Variants in MPP7 observed in about 807,000 individuals in gnomAD.
The protein encoded by MPP7 is MAGUK p55 scaffold protein 7.
A neutral mutation model predicts 76.5 loss-of-function variants in MPP7; 60 were observed. That is an observed-to-expected ratio of 0.78 (90% confidence interval 0.64 to 0.97). The LOEUF is 0.97. MPP7 is among the 50% of genes least tolerant of loss of function. The pLI is 0.00. For missense variants in MPP7, 641 were observed against 694.0 expected (o/e 0.92, Z 0.86); for synonymous variants, 237 against 244.5 (o/e 0.97, Z 0.29).
intron 1 of MPP7, among the ~76,000 whole-genome samples, chr10:28,263,010 C>T (rs922729561): frequency 6.6e-6 from 1 of 151,924 alleles, no homozygotes; most frequent in African/African-American, 2.4e-5. Context: ...GAGCTGAGTT[C>T]GCACCACCGC....
chr10:28,204,461 A>T (rs940769264), intron 2 of MPP7, among the ~76,000 whole-genome samples: 1 of 151,222 alleles, frequency 6.6e-6, no homozygotes, highest in African/African-American at 2.4e-5. Flanking sequence ...AAAAAAAAAA[A>T]TGCATAGCAC....
At chr10:28,241,580 G>A (rs1164153523) in intron 1 of MPP7, among the ~76,000 whole-genome samples, 1 of 152,134 alleles carries the variant, frequency 6.6e-6, no homozygotes, top group Non-Finnish European at 1.5e-5. Flanking sequence ...TCGGAACGCA[G>A]CCATAATTAT....
chr10:28,315,917 A>G (rs965482999), intron 2 of MPP7, among the ~76,000 whole-genome samples: 1 of 151,876 alleles, frequency 6.6e-6, no homozygotes, highest in African/African-American at 2.4e-5. Context: ...CCTCCCCTAA[A>G]CCCCTATCCC....
rs1334173502 is a variant in MPP7 at position 28,121,577 on chromosome 10, TTAAATA to T, written c.616-915_616-910del. ...TTGTTATCTCAGATAGGATTTCTCT[TTAAATA>T]TAGTCTCATGTCATTCTCTGTCTCT... On this transcript the variant is annotated intron_variant, in intron 8 of 16. Coordinates refer to ENST00000683449, the MANE Select transcript of MPP7 (RefSeq NM_001318170.2). 4.6e-5 allele frequency among the ~76,000 whole-genome samples: 7 copies of T among 152,158 alleles called. No homozygotes were observed. In the East Asian group the frequency reaches 1.4e-3, roughly 29 times the overall value.
chr10:28,166,470 C>T (rs566460483), intron 3 of MPP7, among the ~76,000 whole-genome samples: 6 of 137,440 alleles, frequency 4.4e-5, no homozygotes, highest in Non-Finnish European at 7.5e-5. Context: ...TGCAGTGGTG[C>T]AATCTCGGCT....
intron 12 of MPP7, among the ~76,000 whole-genome samples, chr10:28,088,815 G>C (rs932757810): frequency 1.3e-5 from 2 of 152,192 alleles, no homozygotes; most frequent in African/African-American, 4.8e-5. Flanking sequence ...CAAGATAGAT[G>C]CTAGGATGCA....
At position 28,059,751 on chromosome 10, in the gene MPP7, T is replaced by G; in HGVS notation, c.1205-8A>C. 1 of 1,599,982 alleles carries G rather than the reference T, an allele frequency of 6.3e-7. No individual in the cohort carries two copies. The highest frequency in any genetic ancestry group is 8.6e-7 in the Non-Finnish European group (1 of 1,168,774). ...TTCTTGCTCTGGTGGTATCTATGATTTAATGAAAAGGAGTTTAGAAAAGCC... is the reference window on the plus strand; with the variant it reads ...TTCTTGCTCTGGTGGTATCTATGATGTAATGAAAAGGAGTTTAGAAAAGCC... On this transcript the variant is annotated splice_polypyrimidine_tract_variant and splice_region_variant and intron_variant, in intron 13 of 16. Coordinates refer to ENST00000683449, the MANE Select transcript of MPP7 (RefSeq NM_001318170.2).
chr10:28,209,092 C>T (rs1190767606), intron 2 of MPP7, among the ~76,000 whole-genome samples: 1 of 152,114 alleles, frequency 6.6e-6, no homozygotes, highest in Non-Finnish European at 1.5e-5. Flanking sequence ...TTCCTGAGGC[C>T]TCCTCAGAAG....
At chr10:28,179,459 TAC>T (rs1352964732) in intron 3 of MPP7, among the ~76,000 whole-genome samples, 1 of 152,186 alleles carries the variant, frequency 6.6e-6, no homozygotes, top group African/African-American at 2.4e-5. Context: ...ACTATTTAAA[TAC>T]ATTTTATATA....
intron 2 of MPP7, among the ~76,000 whole-genome samples, chr10:28,312,201 C>T (rs1841293855): frequency 6.6e-6 from 1 of 152,058 alleles, no homozygotes; most frequent in Non-Finnish European, 1.5e-5. Context: ...CTTTTTTGTC[C>T]CCTCGCATGT....
intron 6 of MPP7, among the ~76,000 whole-genome samples, chr10:28,128,252 T>A (rs930267658): frequency 4.6e-5 from 7 of 152,190 alleles, no homozygotes; most frequent in Non-Finnish European, 1.5e-5. Context: ...TTGTCTGAAA[T>A]GCTTAGACCA....
intron 1 of MPP7, among the ~76,000 whole-genome samples, chr10:28,332,269 G>GTT (rs1292245165): frequency 6.6e-6 from 1 of 151,882 alleles, no homozygotes; most frequent in Non-Finnish European, 1.5e-5. Flanking sequence ...GTGTGTGTGT[G>GTT]TGTGTGTGTT....
chr10:28,056,457 C>T lies in MPP7; in HGVS notation c.1551+23G>A, dbSNP rs756161897. The T allele has an allele frequency of 1.9e-6, 3 of 1,601,818 alleles. No individual in the cohort carries two copies. The Admixed American group carries it at 5.3e-5, about 28-fold the overall frequency. On this transcript the variant is annotated intron_variant, in intron 16 of 16. Coordinates refer to ENST00000683449, the MANE Select transcript of MPP7 (RefSeq NM_001318170.2). ...TACAGGTGTGGGCCACCACACCTGG[C>T]CCCCAAGCATCATTATACTTACTGT...
At chr10:28,140,530 T>A (rs1435791632) in intron 5 of MPP7, among the ~76,000 whole-genome samples, 1 of 151,050 alleles carries the variant, frequency 6.6e-6, no homozygotes, top group Admixed American at 6.6e-5. Flanking sequence ...GAAAAAAAAA[T>A]AGAATTGATA....
intron 12 of MPP7, 110 bp downstream of exon 12, chr10:28,089,561 G>C: frequency 1.0e-6 from 1 of 965,492 alleles, no homozygotes; most frequent in Non-Finnish European, 1.5e-6. Flanking sequence ...AAAAGGTGTT[G>C]AAGGGGAGGA....
intron 1 of MPP7, among the ~76,000 whole-genome samples, chr10:28,277,302 T>A (rs1479288973): frequency 4.6e-5 from 7 of 151,006 alleles, no homozygotes; most frequent in Non-Finnish European, 8.8e-5. Context: ...TGGGCCACAG[T>A]AGAAGAATAA....
chr10:28,300,142 G>C (rs1024260690), intron 1 of MPP7, among the ~76,000 whole-genome samples: 1 of 152,000 alleles, frequency 6.6e-6, no homozygotes, highest in Non-Finnish European at 1.5e-5. Flanking sequence ...CAGTACCTTT[G>C]TATCTTTGTC....
intron 2 of MPP7, among the ~76,000 whole-genome samples, chr10:28,312,179 A>C (rs184835184): frequency 4.5e-4 from 68 of 152,302 alleles, no homozygotes; most frequent in African/African-American, 1.6e-3. Flanking sequence ...TGGGATGGCC[A>C]GCCTTTATTC....
chr10:28,160,833 T>C (rs977514744), intron 3 of MPP7, among the ~76,000 whole-genome samples: 3 of 152,188 alleles, frequency 2.0e-5, no homozygotes, highest in African/African-American at 7.2e-5. Context: ...GTGTTACTTT[T>C]CTAAAAAACC....
Sources: gnomAD v4.1 joint callset for allele counts (sites outside exome capture counted in the v4.1 genomes callset) on GRCh38, gnomAD v4.1.1 for gene constraint, MANE v1.5 for transcripts, NCBI Gene and HGNC (gene_info 2026-07-23, HGNC 2026-07-21) for gene names.